RGS6: variants seen among roughly 807,000 people sequenced by gnomAD.
The protein encoded by RGS6 is regulator of G-protein signaling 6.
RGS6 carries 30 observed loss-of-function variants against 78.5 expected under a neutral mutation model. The observed-to-expected ratio is 0.38, with a 90% CI of 0.29 to 0.52. The LOEUF (loss-of-function observed/expected upper bound fraction) is 0.52. Ranked by LOEUF, RGS6 falls within the 20% of genes least tolerant of loss-of-function variation. The probability of loss-of-function intolerance (pLI) is 0.85; values close to 1 mark genes in which losing one functional copy is unlikely to be tolerated. For synonymous variants in RGS6, 206 were observed against 206.0 expected (o/e 1.00, Z 0.00); for missense variants, 495 against 609.7 (o/e 0.81, Z 1.98).
intron 3 of RGS6, among the ~76,000 whole-genome samples, chr14:72,377,822 TA>T (rs2085145960): frequency 6.6e-6 from 1 of 151,854 alleles, no homozygotes. Flanking sequence ...TACAAAAGAT[TA>T]AAAAATTAAC....
intron 2 of RGS6, among the ~76,000 whole-genome samples, chr14:72,016,218 A>G (rs1166105482): frequency 6.6e-6 from 1 of 152,182 alleles, no homozygotes; most frequent in East Asian, 1.9e-4. Flanking sequence ...ATTTTTGTGT[A>G]TATGTAACAT....
intron 3 of RGS6, among the ~76,000 whole-genome samples, chr14:72,445,976 G>C (rs1436532539): frequency 6.6e-6 from 1 of 152,126 alleles, no homozygotes; most frequent in Admixed American, 6.5e-5. Context: ...AGGGAAATTT[G>C]GGCCAGTCAT....
chr14:72,347,616 T>C (rs539682838), intron 2 of RGS6, among the ~76,000 whole-genome samples: 1 of 152,330 alleles, frequency 6.6e-6, no homozygotes, highest in Non-Finnish European at 1.5e-5. Context: ...TCAATAATTT[T>C]ATAAGATAAA....
At chr14:72,187,982 C>G (rs79151400) in intron 2 of RGS6, among the ~76,000 whole-genome samples, 270 of 152,030 alleles carry the variant, frequency 1.8e-3, no homozygotes, top group African/African-American at 6.2e-3. Context: ...GTAAACAACT[C>G]TCCTTTTTGT....
chr14:72,282,264 T>C (rs1339946146), intron 2 of RGS6, among the ~76,000 whole-genome samples: 2 of 152,212 alleles, frequency 1.3e-5, no homozygotes, highest in African/African-American at 4.8e-5. Flanking sequence ...GACCTTCATG[T>C]GACCCTTTCC....
chr14:72,326,133 G>C (rs2073697230), intron 2 of RGS6, among the ~76,000 whole-genome samples: 1 of 152,084 alleles, frequency 6.6e-6, no homozygotes, highest in African/African-American at 2.4e-5. Context: ...TTGTTTGTGA[G>C]AACCAAAGAT....
intron 2 of RGS6, among the ~76,000 whole-genome samples, chr14:72,059,570 C>T (rs1488964005): frequency 6.6e-6 from 1 of 152,072 alleles, no homozygotes; most frequent in African/African-American, 2.4e-5. Flanking sequence ...GTCATTGTTT[C>T]GCTGCCACCC....
intron 2 of RGS6, among the ~76,000 whole-genome samples, chr14:72,227,980 T>G (rs1212999238): frequency 6.6e-6 from 1 of 152,116 alleles, no homozygotes; most frequent in Non-Finnish European, 1.5e-5. Flanking sequence ...CAGGAGATCT[T>G]AACAGTGGAA....
intron 2 of RGS6, among the ~76,000 whole-genome samples, chr14:72,127,536 TAAA>T (rs2096226670): frequency 6.6e-6 from 1 of 152,160 alleles, no homozygotes; most frequent in Non-Finnish European, 1.5e-5. Context: ...TTTAAAAATG[TAAA>T]GTAATAAAAA....
chr14:72,032,126 T>C (rs2090999231), intron 2 of RGS6, among the ~76,000 whole-genome samples: 1 of 152,220 alleles, frequency 6.6e-6, no homozygotes, highest in South Asian at 2.1e-4. Flanking sequence ...ACACCTTTTT[T>C]TCAGTGCTGT....
chr14:72,343,890 A>G (rs942468368), intron 2 of RGS6, among the ~76,000 whole-genome samples: 3 of 152,192 alleles, frequency 2.0e-5, no homozygotes, highest in Non-Finnish European at 4.4e-5. Context: ...AGATTAGAAT[A>G]AAAGGATTTT....
At chr14:72,040,543 T>G (rs1275485148) in intron 2 of RGS6, among the ~76,000 whole-genome samples, 1 of 151,444 alleles carries the variant, frequency 6.6e-6, no homozygotes. Flanking sequence ...TTCAAGATTC[T>G]CTCTTTGTTT....
At chr14:72,505,566 T>C (rs576109249) in intron 13 of RGS6, among the ~76,000 whole-genome samples, 1 of 152,360 alleles carries the variant, frequency 6.6e-6, no homozygotes, top group South Asian at 2.1e-4. Flanking sequence ...GTTTTGAAGA[T>C]AGCTTGTATA....
chr14:72,247,177 A>G (rs2054444909), intron 2 of RGS6, among the ~76,000 whole-genome samples: 1 of 152,176 alleles, frequency 6.6e-6, no homozygotes, highest in African/African-American at 2.4e-5. Context: ...GTAGTTTTCC[A>G]TACAATGTAG....
chr14:71,916,765 G>A, the RGS6 span, among the ~76,000 whole-genome samples: 10 of 152,260 alleles, frequency 6.6e-5, no homozygotes, highest in South Asian at 2.1e-4. Flanking sequence ...GGTCCGTGTC[G>A]GGGTCAGCAT....
chr14:71,869,055 C>T, the RGS6 span, among the ~76,000 whole-genome samples: 570 of 152,304 alleles, frequency 3.7e-3, 7 homozygotes, highest in African/African-American at 0.013. Flanking sequence ...CTGCCTCACC[C>T]CTCTTTTTGC....
intron 3 of RGS6, among the ~76,000 whole-genome samples, chr14:72,416,300 A>G (rs2093805350): frequency 1.3e-5 from 2 of 152,210 alleles, no homozygotes; most frequent in African/African-American, 4.8e-5. Flanking sequence ...GAATGTTCCT[A>G]TCCCTCATGG....
At chr14:72,471,816 T>C (rs955525519) in intron 8 of RGS6, among the ~76,000 whole-genome samples, 1 of 152,336 alleles carries the variant, frequency 6.6e-6, no homozygotes, top group African/African-American at 2.4e-5. Context: ...GGGATTCAAC[T>C]GGACTAAGGC....
chr14:72,518,626 G>A, intron 15 of RGS6, 89 bp downstream of exon 15: 1 of 1,248,480 alleles, frequency 8.0e-7, no homozygotes, highest in Middle Eastern at 2.0e-4. Context: ...AGGCATTGTG[G>A]GTAGTTAAAA....
Sources: gnomAD v4.1 joint callset for allele counts (sites outside exome capture counted in the v4.1 genomes callset) on GRCh38, gnomAD v4.1.1 for gene constraint, MANE v1.5 for transcripts, NCBI Gene and HGNC (gene_info 2026-07-23, HGNC 2026-07-21) for gene names.